Variants in DOCK10 observed in about 807,000 individuals in gnomAD.
The protein encoded by DOCK10 is dedicator of cytokinesis 10.
DOCK10 carries 145 observed loss-of-function variants against 280.1 expected under a neutral mutation model. That is an observed-to-expected ratio of 0.52 (90% CI 0.45 to 0.59). The LOEUF (loss-of-function observed/expected upper bound fraction) is 0.59. Ranked by LOEUF, DOCK10 falls within the 20% of genes least tolerant of loss-of-function variation. The pLI, the probability that DOCK10 is intolerant of heterozygous loss-of-function variation, is 0.00. For missense variants in DOCK10, 2,368 were observed against 2,651.7 expected, an observed-to-expected ratio of 0.89 and a Z score of 2.35; for synonymous variants, 915 against 942.2, an observed-to-expected ratio of 0.97 and a Z score of 0.53.
intron 1 of DOCK10, among the ~76,000 whole-genome samples, chr2:224,985,214 T>G (rs374575350): frequency 1.4e-4 from 21 of 152,262 alleles, no homozygotes; most frequent in East Asian, 1.2e-3. Context: ...ATCTTATGAT[T>G]CAATAAGGTA....
intron 55 of DOCK10, among the ~76,000 whole-genome samples, chr2:224,767,488 T>A (rs918198837): frequency 5.3e-5 from 8 of 152,168 alleles, no homozygotes; most frequent in African/African-American, 1.9e-4. Flanking sequence ...AAACTAACCC[T>A]GGGATTAAAG....
chr2:224,840,063 T>C lies in DOCK10; in HGVS notation c.2671A>G (p.Asn891Asp), dbSNP rs1457487929. 2.0e-6 allele frequency: 3 copies of C among 1,518,234 alleles called. No homozygotes were observed. Among genetic ancestry groups the C allele is most frequent in the South Asian group, 2.4e-5 (2 of 82,146 alleles). The allele number at this position is 1,518,234 out of a possible 1,614,324, so 94.0% of individuals were successfully genotyped here. A position where few individuals can be genotyped will look rare whatever the true frequency, so the allele number is the denominator to read the frequency against. Reference sequence around the variant, plus strand: ...ATGATTGCATGAATCTTTTCCACATTCAATAAGTTCTGTAGTAAATTGGCA... The same window carrying C: ...ATGATTGCATGAATCTTTTCCACATCCAATAAGTTCTGTAGTAAATTGGCA... Reference protein sequence around the residue: ...NFIRSCKNLLNVEKIHAIMSF... With the variant: ...NFIRSCKNLLDVEKIHAIMSF... Residue 891 changes from asparagine (N) to aspartate (D), a missense_variant, in exon 24 of 56, where the codon AAT becomes GAT. Transcript: ENST00000258390.
intron 3 of DOCK10, among the ~76,000 whole-genome samples, chr2:224,905,987 A>G (rs922947950): frequency 2.6e-5 from 4 of 151,908 alleles, no homozygotes; most frequent in African/African-American, 9.7e-5. Context: ...AGACCTATGT[A>G]TTTATCTTCT....
intron 25 of DOCK10, 150 bp from the exon 26 acceptor site, chr2:224,834,413 A>G: frequency 1.6e-6 from 1 of 610,252 alleles, no homozygotes; most frequent in Non-Finnish European, 2.9e-6. Context: ...TAAGAGCAGT[A>G]CACACCTGTT....
At chr2:224,857,107 A>C in intron 14 of DOCK10, 125 bp from the exon 15 acceptor site, 1 of 772,012 alleles carries the variant, frequency 1.3e-6, no homozygotes, top group Non-Finnish European at 1.8e-6. Flanking sequence ...TATAAAATAA[A>C]AAGACCAAAA....
chr2:224,845,016 C>T (rs538520095), intron 21 of DOCK10, among the ~76,000 whole-genome samples, 177 bp from the exon 22 acceptor site: 9 of 152,228 alleles, frequency 5.9e-5, no homozygotes, highest in South Asian at 4.2e-4. Context: ...AATATGACAT[C>T]GGGATCATTT....
intron 6 of DOCK10, 128 bp downstream of exon 6, chr2:224,885,935 C>T: frequency 1.3e-6 from 2 of 1,496,214 alleles, no homozygotes; most frequent in South Asian, 1.3e-5. Context: ...GAGCATCCTA[C>T]TTCCTCATAA....
intron 1 of DOCK10, among the ~76,000 whole-genome samples, chr2:224,991,334 T>C (rs188045392): frequency 6.6e-6 from 1 of 152,350 alleles, no homozygotes; most frequent in East Asian, 1.9e-4. Flanking sequence ...ATTAATTCTC[T>C]GAGACTTATT....
intron 27 of DOCK10, among the ~76,000 whole-genome samples, chr2:224,828,917 A>G (rs950957626): frequency 1.8e-4 from 28 of 151,822 alleles, no homozygotes; most frequent in Non-Finnish European, 2.7e-4. Context: ...GTTCATTCCA[A>G]TGAATAGTCA....
At chr2:224,928,402 G>C (rs541398421) in intron 2 of DOCK10, among the ~76,000 whole-genome samples, 2 of 152,250 alleles carry the variant, frequency 1.3e-5, no homozygotes, top group East Asian at 3.9e-4. Context: ...CTTTCTTTAT[G>C]GGTATCAGAA....
At chr2:224,832,414 G>A (rs1695296873) in intron 26 of DOCK10, among the ~76,000 whole-genome samples, 1 of 152,072 alleles carries the variant, frequency 6.6e-6, no homozygotes, top group Non-Finnish European at 1.5e-5. Flanking sequence ...ACTGTCAATG[G>A]GCATTTGGAT....
intron 3 of DOCK10, among the ~76,000 whole-genome samples, chr2:224,909,922 T>C (rs1445150440): frequency 6.6e-6 from 1 of 152,100 alleles, no homozygotes; most frequent in Non-Finnish European, 1.5e-5. Flanking sequence ...CTGTTCATTT[T>C]AGTGAACTTC....
chr2:224,912,947 GC>G (rs1342219292), intron 3 of DOCK10, among the ~76,000 whole-genome samples: 4 of 152,050 alleles, frequency 2.6e-5, no homozygotes, highest in African/African-American at 7.2e-5. Flanking sequence ...AATCGCTTGA[GC>G]CCAGGAGGTG....
chr2:224,953,741 A>T (rs1703890003), intron 1 of DOCK10, among the ~76,000 whole-genome samples: 1 of 152,232 alleles, frequency 6.6e-6, no homozygotes. Flanking sequence ...GTGGTTTTTT[A>T]AAATGGCGCT....
chr2:225,011,086 T>C (rs2126297758), intron 1 of DOCK10, among the ~76,000 whole-genome samples: 1 of 152,314 alleles, frequency 6.6e-6, no homozygotes, highest in East Asian at 1.9e-4. Context: ...TGATGGAAAA[T>C]ATTGATATGA....
At chr2:224,847,099 G>T (rs1361140623) in intron 19 of DOCK10, among the ~76,000 whole-genome samples, 2 of 152,146 alleles carry the variant, frequency 1.3e-5, no homozygotes, top group Non-Finnish European at 2.9e-5. Context: ...TAATGCTTCT[G>T]AATGCAAATA....
chr2:224,973,774 G>A (rs929268747), intron 1 of DOCK10, among the ~76,000 whole-genome samples: 4 of 152,162 alleles, frequency 2.6e-5, no homozygotes, highest in Non-Finnish European at 4.4e-5. Context: ...GGGAAGCCAA[G>A]GTATACAGAA....
At chr2:224,784,679 G>C in intron 50 of DOCK10, 2 of 1,278,374 alleles carry the variant, frequency 1.6e-6, no homozygotes, top group South Asian at 2.5e-5. Context: ...CCATACAGAG[G>C]GAAGTGTGAG....
At chr2:224,792,868 A>G in intron 47 of DOCK10, 106 bp downstream of exon 47, 2 of 819,462 alleles carry the variant, frequency 2.4e-6, no homozygotes, top group East Asian at 2.7e-5. Flanking sequence ...GATCTGAGAC[A>G]GTTTTTGCTT....
Sources: gnomAD v4.1 joint callset for allele counts (sites outside exome capture counted in the v4.1 genomes callset) on GRCh38, gnomAD v4.1.1 for gene constraint, MANE v1.5 for transcripts, NCBI Gene and HGNC (gene_info 2026-07-23, HGNC 2026-07-21) for gene names.